Variants in TCAF1 observed in about 807,000 individuals in gnomAD.
The protein encoded by TCAF1 is TRPM8 channel-associated factor 1.
In TCAF1, 4 loss-of-function variants were observed where a neutral mutation model predicts 27.3. The observed-to-expected ratio is 0.15, with a 90% CI of 0.07 to 0.34. The LOEUF is 0.34. Ranked by LOEUF, TCAF1 falls within the 10% of genes least tolerant of loss-of-function variation. TCAF1 has a pLI of 1.00. For missense variants in TCAF1, 257 were observed against 425.8 expected (o/e 0.60, Z 3.49); for synonymous variants, 105 against 167.1 (o/e 0.63, Z 2.87).
At chr7:143,890,040 G>A (rs1032902326) in intron 1 of TCAF1, among the ~76,000 whole-genome samples, 34 of 151,482 alleles carry the variant, frequency 2.2e-4, no homozygotes, top group Non-Finnish European at 2.4e-4. Flanking sequence ...CCAGGCTGGA[G>A]TGCAGTGGCT....
intron 2 of TCAF1, among the ~76,000 whole-genome samples, chr7:143,874,449 G>T (rs1449380152): frequency 1.1e-5 from 1 of 90,318 alleles, no homozygotes; most frequent in African/African-American, 4.4e-5. Context: ...AGGGGGCATG[G>T]ATAGCATCAA....
intron 1 of TCAF1, among the ~76,000 whole-genome samples, chr7:143,885,723 C>T (rs1813369348): frequency 6.6e-6 from 1 of 151,762 alleles, no homozygotes; most frequent in Non-Finnish European, 1.5e-5. Flanking sequence ...AAACATCTAA[C>T]ATAGTAAAAA....
At chr7:143,875,951 A>G (rs1742296415) in intron 2 of TCAF1, 38 bp downstream of exon 2, 2 of 1,513,584 alleles carry the variant, frequency 1.3e-6, no homozygotes, top group Admixed American at 2.2e-5. Context: ...CTGCTTTTCA[A>G]CCCTGGAGCC....
Position 143,902,067 on chromosome 7 carries a change from T to C in TCAF1, c.-121A>G, listed in dbSNP as rs1313641839. 6.6e-6 allele frequency: 1 copy of C among 152,354 alleles called. No homozygotes were observed. The highest frequency in any genetic ancestry group is 1.5e-5 in the Non-Finnish European group (1 of 68,172). The allele number at this position is 152,354 out of a possible 1,614,324, so 9.4% of individuals were successfully genotyped here. Reference sequence around the variant, plus strand: ...TCCCTGCAGCGCGGGTTCGGGGCAGTAGCAACCTGCTAGGAGCGGGAGGCG... The same window carrying C: ...TCCCTGCAGCGCGGGTTCGGGGCAGCAGCAACCTGCTAGGAGCGGGAGGCG... On this transcript the variant is annotated 5_prime_UTR_variant, in exon 1 of 9. Transcript: ENST00000479870.
intron 2 of TCAF1, among the ~76,000 whole-genome samples, chr7:143,869,416 ATTC>A (rs1433102241): frequency 6.9e-6 from 1 of 144,268 alleles, no homozygotes; most frequent in Non-Finnish European, 1.5e-5. Context: ...GTCATGAAGT[ATTC>A]TTCTTTTTAT....
rs74414022 is a variant in TCAF1, at chr7:143,882,413, G to C, written c.-14-5791C>G. Reference sequence around the variant, plus strand: ...GCAGCGGATTAGACGCGGTTCTCTAGGTCAGGCCCTCAGGTAACTCAACCA... The same window carrying C: ...GCAGCGGATTAGACGCGGTTCTCTACGTCAGGCCCTCAGGTAACTCAACCA... On this transcript the variant is annotated intron_variant, in intron 1 of 8. Transcript: ENST00000479870. The C allele has an allele frequency of 7.3e-3, 7,178 of 985,394 alleles. 25 individuals carry two copies. Among genetic ancestry groups the C allele is most frequent in the Non-Finnish European group, 7.7e-3 (6,376 of 829,924 alleles). 61.0% of individuals were successfully genotyped at this position (985,394 alleles called of 1,614,324 possible). A position where few individuals can be genotyped will look rare whatever the true frequency, so the allele number is the denominator to read the frequency against.
At chr7:143,886,700 C>CTTTTTTTTTTTT (rs11398264) in intron 1 of TCAF1, among the ~76,000 whole-genome samples, 3 of 89,162 alleles carry the variant, frequency 3.4e-5, no homozygotes, top group African/African-American at 1.0e-4. Flanking sequence ...CAAATTTTAC[C>CTTTTTTTTTTTT]TTTTTTTTTT....
intron 2 of TCAF1, among the ~76,000 whole-genome samples, chr7:143,869,175 G>GT (rs1217072816): frequency 2.7e-5 from 4 of 150,908 alleles, no homozygotes; most frequent in Non-Finnish European, 5.9e-5. Flanking sequence ...GCTAACTTTT[G>GT]TATTTTAATA....
intron 6 of TCAF1, among the ~76,000 whole-genome samples, chr7:143,859,999 ATAAT>A (rs1811890801): frequency 9.9e-5 from 1 of 10,090 alleles, no homozygotes; most frequent in African/African-American, 1.6e-4. Context: ...TATATATTAT[ATAAT>A]ATATATATAA....
chr7:143,877,993 G>C (rs1028302707), intron 1 of TCAF1, among the ~76,000 whole-genome samples: 3 of 152,298 alleles, frequency 2.0e-5, no homozygotes, highest in African/African-American at 7.2e-5. Flanking sequence ...GGGCTCTGGA[G>C]TTATGGCAGT....
At chr7:143,857,596 T>C (rs1811595654) in intron 7 of TCAF1, among the ~76,000 whole-genome samples, 1 of 152,300 alleles carries the variant, frequency 6.6e-6, no homozygotes. Context: ...GTGAGGGCCA[T>C]GGTAACAACT....
rs149240169 is a variant in TCAF1 at position 143,876,093 on chromosome 7, C to T, written c.516G>A (p.Gly172=). ...TGCCAGCCACACTGGTCACGAGGTTCCCAGGGAACGTGAACAGAACCCTTT... is the reference window on the plus strand; with the variant it reads ...TGCCAGCCACACTGGTCACGAGGTTTCCAGGGAACGTGAACAGAACCCTTT... The part of the protein sequence containing the change: ...EDERVLFTFP[G]NLVTSVAGIY... The change falls in exon 2 of 9, where the codon GGG becomes GGA. Residue 172 remains glycine, a synonymous_variant. Transcript: ENST00000479870. The T allele has an allele frequency of 1.2e-6, 2 of 1,613,758 alleles. No homozygotes were observed. The highest frequency in any genetic ancestry group is 1.7e-5 in the Admixed American group (1 of 60,010).
rs1162264961 is a variant in TCAF1 at position 143,876,634 on chromosome 7, A to C, written c.-14-12T>G. On this transcript the variant is annotated splice_polypyrimidine_tract_variant and intron_variant, in intron 1 of 8. Coordinates refer to ENST00000479870, the MANE Select transcript of TCAF1 (RefSeq NM_014719.3). ...GGCTCTATTGGTTTCTGCAGAGAAG[A>C]AAGCAAAGGCTCAGCTTAGCGAAGA... 1.4e-6 allele frequency: 2 copies of C among 1,480,108 alleles called. No individual in the cohort carries two copies. Among genetic ancestry groups the C allele is most frequent in the South Asian group, 3.2e-5 (2 of 62,430 alleles). The allele number at this position is 1,480,108 out of a possible 1,614,324, so 91.7% of individuals were successfully genotyped here.
At chr7:143,897,884 C>G (rs1398586756) in intron 1 of TCAF1, among the ~76,000 whole-genome samples, 1 of 151,838 alleles carries the variant, frequency 6.6e-6, no homozygotes, top group Non-Finnish European at 1.5e-5. Context: ...ATGATAATAC[C>G]AGCATCAGAA....
intron 1 of TCAF1, among the ~76,000 whole-genome samples, chr7:143,892,287 A>C (rs771402042): frequency 6.6e-6 from 1 of 152,176 alleles, no homozygotes; most frequent in African/African-American, 2.4e-5. Flanking sequence ...AGATGGAGAT[A>C]AACTTAAAAT....
At position 143,851,610 on chromosome 7, in the gene TCAF1, TACA is replaced by T. The variant is rs1406574290; in HGVS notation, c.*2520_*2522del. 6.6e-6 allele frequency: 1 copy of T among 152,264 alleles called. No homozygotes were observed. Among genetic ancestry groups the T allele is most frequent in the African/African-American group, 2.4e-5 (1 of 41,456 alleles). The allele number at this position is 152,264 out of a possible 1,614,324, so 9.4% of individuals were successfully genotyped here. A position where few individuals can be genotyped will look rare whatever the true frequency, so the allele number is the denominator to read the frequency against. The stretch of plus-strand genomic sequence containing the variant: ...CAATAATTTCTTGACTTACTGACTT[TACA>T]ACATCTTTAATAATTCCCCATTACA... On this transcript the variant is annotated 3_prime_UTR_variant, in exon 9 of 9. Coordinates refer to ENST00000479870, the MANE Select transcript of TCAF1 (RefSeq NM_014719.3).
intron 6 of TCAF1, among the ~76,000 whole-genome samples, chr7:143,860,005 T>TATTATATATATA (rs1811900228): frequency 2.1e-5 from 1 of 46,838 alleles, no homozygotes; most frequent in African/African-American, 8.5e-5. Context: ...TTATATAATA[T>TATTATATATATA]ATATATAATA....
At chr7:143,885,026 C>A in intron 1 of TCAF1, 1 of 985,336 alleles carries the variant, frequency 1.0e-6, no homozygotes. Flanking sequence ...GGGTCCCAGG[C>A]CAAAAACGCG....
chr7:143,859,932 ATAT>A, intron 6 of TCAF1, among the ~76,000 whole-genome samples: 1 of 86,250 alleles, frequency 1.2e-5, no homozygotes, highest in South Asian at 3.4e-4. Context: ...ATATTATATA[ATAT>A]ATATTATATA....
Sources: gnomAD v4.1 joint callset for allele counts (sites outside exome capture counted in the v4.1 genomes callset) on GRCh38, gnomAD v4.1.1 for gene constraint, MANE v1.5 for transcripts, NCBI Gene and HGNC (gene_info 2026-07-23, HGNC 2026-07-21) for gene names.